ADAMTS6: variants seen among roughly 807,000 people sequenced by gnomAD.
ADAMTS6 encodes the protein A disintegrin and metalloproteinase with thrombospondin motifs 6.
Under a neutral mutation model 144.3 loss-of-function variants are expected in ADAMTS6, and 23 were observed. The ratio of observed to expected loss-of-function variants is 0.16; its 90% CI spans 0.11 to 0.23. The LOEUF is 0.23. Ranked by LOEUF, ADAMTS6 falls within the 10% of genes least tolerant of loss-of-function variation. ADAMTS6 has a pLI of 1.00. For missense variants in ADAMTS6, 999 were observed against 1,379.6 expected (o/e 0.72, Z 4.37); for synonymous variants, 444 against 457.5 (o/e 0.97, Z 0.38).
At chr5:65,334,501 A>G (rs75428651) in intron 7 of ADAMTS6, among the ~76,000 whole-genome samples, 5,096 of 152,250 alleles carry the variant, frequency 0.033, 144 homozygotes, top group East Asian at 0.083. Flanking sequence ...TGCATTTTAT[A>G]CTTCTGAGCT....
At chr5:65,153,670 A>G (rs10940016) in intron 24 of ADAMTS6, among the ~76,000 whole-genome samples, 113,387 of 152,110 alleles carry the variant, frequency 0.75, 43,086 homozygotes, top group African/African-American at 0.88. Flanking sequence ...AACTACTACT[A>G]AGAAAATACT....
At chr5:65,336,386 A>T in intron 7 of ADAMTS6, among the ~76,000 whole-genome samples, 1 of 152,116 alleles carries the variant, frequency 6.6e-6, no homozygotes, top group East Asian at 1.9e-4. Context: ...ATTGCATTGA[A>T]GGAAAAAATT....
At chr5:65,443,839 C>T (rs974766352) in intron 7 of ADAMTS6, among the ~76,000 whole-genome samples, 2 of 150,984 alleles carry the variant, frequency 1.3e-5, no homozygotes, top group African/African-American at 4.9e-5. Context: ...AGACAAAGCG[C>T]ATCAACAAAG....
chr5:65,341,379 T>TA (rs1052205330), intron 7 of ADAMTS6, among the ~76,000 whole-genome samples: 1 of 151,194 alleles, frequency 6.6e-6, no homozygotes, highest in African/African-American at 2.4e-5. Flanking sequence ...AAAATGAAAC[T>TA]AAAAAATATG....
chr5:65,423,274 G>C (rs1756227545), intron 7 of ADAMTS6, among the ~76,000 whole-genome samples: 1 of 152,074 alleles, frequency 6.6e-6, no homozygotes, highest in Admixed American at 6.6e-5. Context: ...TCCCTATACA[G>C]TTCATCCATG....
chr5:65,464,485 A>G (rs1313103529), intron 3 of ADAMTS6, among the ~76,000 whole-genome samples: 1 of 152,240 alleles, frequency 6.6e-6, no homozygotes, highest in Non-Finnish European at 1.5e-5. Context: ...AGGTACTGCT[A>G]TCAACATATT....
chr5:65,423,559 A>T (rs928404423), intron 7 of ADAMTS6, among the ~76,000 whole-genome samples: 11 of 152,138 alleles, frequency 7.2e-5, no homozygotes, highest in African/African-American at 2.4e-4. Context: ...GTAAATCTTC[A>T]ATACCATCAG....
chr5:65,302,797 C>T (rs1157572280), intron 9 of ADAMTS6, among the ~76,000 whole-genome samples: 3 of 151,976 alleles, frequency 2.0e-5, no homozygotes, highest in Non-Finnish European at 4.4e-5. Flanking sequence ...ATACTATTTC[C>T]TTTTAGTGGC....
intron 10 of ADAMTS6, among the ~76,000 whole-genome samples, chr5:65,299,424 T>G (rs535427207): frequency 9.4e-4 from 143 of 152,256 alleles, no homozygotes; most frequent in African/African-American, 3.3e-3. Context: ...CTGAGCTAAT[T>G]TGTATTCTTC....
intron 7 of ADAMTS6, among the ~76,000 whole-genome samples, chr5:65,379,150 G>A (rs1225603076): frequency 2.0e-5 from 3 of 152,132 alleles, no homozygotes; most frequent in Non-Finnish European, 2.9e-5. Context: ...CTTTGTTTTA[G>A]TCGTCATTTA....
At chr5:65,431,637 C>T (rs10039171) in intron 7 of ADAMTS6, among the ~76,000 whole-genome samples, 59,695 of 151,912 alleles carry the variant, frequency 0.39, 12,082 homozygotes, top group South Asian at 0.44. Context: ...TTTCCCCATG[C>T]CAATTTCCTG....
chr5:65,316,847 G>C (rs1009095711), intron 9 of ADAMTS6, among the ~76,000 whole-genome samples: 2 of 151,906 alleles, frequency 1.3e-5, no homozygotes, highest in African/African-American at 4.8e-5. Flanking sequence ...TGTTGCCCAG[G>C]CTGGAGTGCA....
chr5:65,398,798 A>G (rs1349472731), intron 7 of ADAMTS6, among the ~76,000 whole-genome samples: 22 of 92,502 alleles, frequency 2.4e-4, no homozygotes, highest in African/African-American at 1.1e-3. Context: ...GAAAGAAAGA[A>G]AGAAAGAAAG....
rs371227992 is a variant in ADAMTS6 at position 65,196,383 on chromosome 5, T to C, written c.2705+639A>G. 3.1e-3 allele frequency among the ~76,000 whole-genome samples: 471 copies of C among 150,032 alleles called. 1 individual carries two copies. The highest frequency in any genetic ancestry group is 8.2e-3 in the East Asian group (42 of 5,102). ...TAAAAATACAAAAAATTTAGCCGGG[T>C]GTGGTGGTGGGCGCCTGTAGTCCCA... On this transcript the variant is annotated intron_variant, in intron 21 of 24. Coordinates refer to ENST00000381055, the MANE Select transcript of ADAMTS6 (RefSeq NM_197941.4).
At chr5:65,351,953 C>A (rs540176428) in intron 7 of ADAMTS6, among the ~76,000 whole-genome samples, 44 of 152,228 alleles carry the variant, frequency 2.9e-4, no homozygotes, top group African/African-American at 1.1e-3. Flanking sequence ...ATCAAGTCAC[C>A]CACTACTATC....
At chr5:65,419,294 G>A (rs550598950) in intron 7 of ADAMTS6, among the ~76,000 whole-genome samples, 1 of 152,248 alleles carries the variant, frequency 6.6e-6, no homozygotes, top group South Asian at 2.1e-4. Context: ...ATTAATGCAG[G>A]AACACAAAAC....
intron 7 of ADAMTS6, among the ~76,000 whole-genome samples, chr5:65,375,732 A>G (rs1489455511): frequency 6.6e-6 from 1 of 152,094 alleles, no homozygotes; most frequent in Non-Finnish European, 1.5e-5. Context: ...AACTAGAAAT[A>G]CCATTTGACC....
At chr5:65,432,172 T>C (rs1217773282) in intron 7 of ADAMTS6, among the ~76,000 whole-genome samples, 1 of 152,042 alleles carries the variant, frequency 6.6e-6, no homozygotes, top group Non-Finnish European at 1.5e-5. Context: ...GTACAAAAGA[T>C]AGCTGATTTA....
intron 7 of ADAMTS6, among the ~76,000 whole-genome samples, chr5:65,408,129 A>G (rs983691804): frequency 2.0e-5 from 3 of 152,230 alleles, no homozygotes; most frequent in African/African-American, 7.2e-5. Context: ...TAATGACAGG[A>G]TCAAATTCAC....
Sources: gnomAD v4.1 joint callset for allele counts (sites outside exome capture counted in the v4.1 genomes callset) on GRCh38, gnomAD v4.1.1 for gene constraint, MANE v1.5 for transcripts, NCBI Gene and HGNC (gene_info 2026-07-23, HGNC 2026-07-21) for gene names.